The following KATNIP variants were observed in gnomAD, a reference collection of about 807,000 sequenced individuals.
KATNIP encodes katanin-interacting protein.
Under a neutral mutation model 174.0 loss-of-function variants are expected in KATNIP, and 126 were observed. The ratio of observed to expected loss-of-function variants is 0.72; its 90% confidence interval spans 0.63 to 0.84. The LOEUF (loss-of-function observed/expected upper bound fraction) is 0.84, where lower values mean the gene tolerates loss of function less well. Ranked by LOEUF, KATNIP falls within the 40% of genes least tolerant of loss-of-function variation. The pLI is 0.00. For synonymous variants in KATNIP, 810 were observed against 835.7 expected, an observed-to-expected ratio of 0.97 and a Z score of 0.53; for missense variants, 1,958 against 2,109.7, an observed-to-expected ratio of 0.93 and a Z score of 1.41.
At chr16:27,551,851 T>A (rs1282026772) in intron 1 of KATNIP, among the ~76,000 whole-genome samples, 1 of 151,992 alleles carries the variant, frequency 6.6e-6, no homozygotes, top group Non-Finnish European at 1.5e-5. Context: ...AGACTCTGTC[T>A]CAAAAAAACC....
At chr16:27,697,959 C>T (rs2078973053) in intron 8 of KATNIP, among the ~76,000 whole-genome samples, 1 of 152,134 alleles carries the variant, frequency 6.6e-6, no homozygotes, top group South Asian at 2.1e-4. Flanking sequence ...TATATATCTC[C>T]TAAAAACAAG....
chr16:27,746,027 C>A (rs889103871), intron 15 of KATNIP, among the ~76,000 whole-genome samples: 1 of 143,826 alleles, frequency 7.0e-6, no homozygotes, highest in Non-Finnish European at 1.5e-5. Flanking sequence ...TGCAGTGGCA[C>A]AATTTCAGTT....
chr16:27,710,112 C>T (rs755180909), intron 13 of KATNIP, among the ~76,000 whole-genome samples: 46 of 152,162 alleles, frequency 3.0e-4, no homozygotes, highest in Admixed American at 9.8e-4. Flanking sequence ...GTAATCCCAG[C>T]GCTTTGGGAG....
intron 2 of KATNIP, among the ~76,000 whole-genome samples, chr16:27,598,821 G>A (rs1005614547): frequency 5.3e-5 from 8 of 152,184 alleles, no homozygotes; most frequent in African/African-American, 1.9e-4. Flanking sequence ...GAGGGGTAAG[G>A]GTAGCAGGCT....
chr16:27,552,363 C>A (rs1328507592), intron 1 of KATNIP, among the ~76,000 whole-genome samples: 2 of 151,328 alleles, frequency 1.3e-5, no homozygotes, highest in African/African-American at 4.8e-5. Context: ...TTAGCAAATG[C>A]CAGTTTCTTT....
intron 10 of KATNIP, 37 bp downstream of exon 10, chr16:27,699,636 G>A (rs749605604): frequency 1.3e-5 from 21 of 1,613,212 alleles, no homozygotes; most frequent in African/African-American, 2.7e-5. Flanking sequence ...AAAGCCCCAC[G>A]CATGTGCGTA....
In KATNIP at chr16:27,648,720, T is replaced by G. The variant is rs141943623; in HGVS notation, c.525T>G (p.Ser175=). The G allele has an allele frequency of 5.6e-6, 9 of 1,613,804 alleles. No homozygotes were observed. Among genetic ancestry groups the G allele is most frequent in the Admixed American group, 1.7e-5 (1 of 59,954 alleles). The change falls in exon 6 of 28, where the codon TCT becomes TCG. Residue 175 remains serine (S), a synonymous_variant. Coordinates refer to ENST00000261588, the MANE Select transcript of KATNIP (RefSeq NM_015202.5). ...GDVTLQANNT[S]EDRPQELRRS... ...TGACTCTCCAGGCAAACAACACTTC[T>G]GAGGATCGTCCGCAGGTAGGGATGG...
rs554365660 is a variant in KATNIP, at chr16:27,751,923, G to A, written c.3551G>A (p.Arg1184Gln). ...FTQAGLGADERIPELELPSSS... is the reference protein window; with the variant it reads ...FTQAGLGADEQIPELELPSSS... ...CAGGCTGGCTTGGGGGCTGATGAAC[G>A]GGTAGGACTGGAGCTGGGGGGCTGT... The change falls in exon 17 of 28, where the codon CGG (arginine) becomes CAG (glutamine). Residue 1184 changes from arginine to glutamine, a missense_variant and splice_region_variant. Transcript: ENST00000261588. 144 of 1,605,134 alleles carry A rather than the reference G, an allele frequency of 9.0e-5. 1 individual carries two copies. In the South Asian group the frequency reaches 1.0e-3, roughly 11 times the overall value.
intron 6 of KATNIP, among the ~76,000 whole-genome samples, chr16:27,655,181 T>G (rs1246143945): frequency 0.17 from 624 of 3,702 alleles, 2 homozygotes; most frequent in African/African-American, 0.3. Context: ...AGAATGGATA[T>G]ATATATATAT....
chr16:27,728,809 G>A (rs1338104870), intron 14 of KATNIP, among the ~76,000 whole-genome samples: 2 of 152,236 alleles, frequency 1.3e-5, no homozygotes, highest in African/African-American at 2.4e-5. Flanking sequence ...GAGAATGAAA[G>A]TGGACTCAGA....
chr16:27,615,299 T>G (rs1354171980), intron 2 of KATNIP, among the ~76,000 whole-genome samples: 1 of 148,488 alleles, frequency 6.7e-6, no homozygotes, highest in Non-Finnish European at 1.5e-5. Flanking sequence ...TGGCCTTTTT[T>G]TTTTTTTTTT....
chr16:27,705,364 T>C (rs1016115197), intron 12 of KATNIP, among the ~76,000 whole-genome samples: 1 of 152,112 alleles, frequency 6.6e-6, no homozygotes, highest in Admixed American at 6.6e-5. Context: ...AAGCCACATA[T>C]AAAATCCTAT....
intron 4 of KATNIP, among the ~76,000 whole-genome samples, chr16:27,629,234 A>G (rs556496797): frequency 2.0e-5 from 3 of 152,140 alleles, no homozygotes; most frequent in African/African-American, 7.2e-5. Context: ...AACACAAGTT[A>G]ACTACACCCG....
chr16:27,724,102 G>A (rs1043509451), intron 14 of KATNIP, among the ~76,000 whole-genome samples: 2 of 152,160 alleles, frequency 1.3e-5, no homozygotes, highest in Non-Finnish European at 1.5e-5. Flanking sequence ...GGGAACTTGC[G>A]GAAATTTCTC....
intron 6 of KATNIP, chr16:27,654,510 TG>T: frequency 9.5e-7 from 1 of 1,057,728 alleles, no homozygotes; most frequent in Non-Finnish European, 1.3e-6. Flanking sequence ...GAGGAGAAGA[TG>T]GGAGGCAGGG....
At chr16:27,569,764 A>G (rs1203006597) in intron 1 of KATNIP, among the ~76,000 whole-genome samples, 1 of 152,218 alleles carries the variant, frequency 6.6e-6, no homozygotes, top group Admixed American at 6.5e-5. Flanking sequence ...CCAGTCTTCT[A>G]GGGAGTTTAG....
chr16:27,612,948 A>T (rs12449274), intron 2 of KATNIP, among the ~76,000 whole-genome samples: 18,008 of 151,896 alleles, frequency 0.12, 1,358 homozygotes, highest in Admixed American at 0.2. Context: ...TGTCTCAAAA[A>T]AAATAAATAA....
intron 8 of KATNIP, among the ~76,000 whole-genome samples, chr16:27,684,139 T>G (rs2078442277): frequency 1.3e-5 from 2 of 152,206 alleles, no homozygotes; most frequent in African/African-American, 2.4e-5. Flanking sequence ...CCAAGCTGTG[T>G]GTAGGACTAC....
At chr16:27,578,659 C>A (rs1270342768) in intron 2 of KATNIP, among the ~76,000 whole-genome samples, 1 of 152,102 alleles carries the variant, frequency 6.6e-6, no homozygotes, top group Non-Finnish European at 1.5e-5. Flanking sequence ...TTCACTGCAA[C>A]CTCCACCTCC....
Sources: allele counts gnomAD v4.1 joint callset (sites outside exome capture counted in the v4.1 genomes callset), GRCh38; gene constraint gnomAD v4.1.1; transcripts MANE v1.5; gene names NCBI Gene and HGNC (gene_info 2026-07-23, HGNC 2026-07-21).